TMEM131: variants seen among roughly 807,000 people sequenced by gnomAD.
TMEM131 encodes transmembrane protein 131.
In TMEM131, 66 loss-of-function variants were observed where a neutral mutation model predicts 211.6. That is an observed-to-expected ratio of 0.31 (90% CI 0.26 to 0.38). The LOEUF is 0.38. Among genes scored for constraint, TMEM131 ranks in the 10% least tolerant of loss-of-function variants. The probability of loss-of-function intolerance (pLI) is 1.00; values close to 1 mark genes in which losing one functional copy is unlikely to be tolerated. For synonymous variants in TMEM131, 844 were observed against 841.3 expected (o/e 1.00, Z -0.06); for missense variants, 2,036 against 2,299.3 (o/e 0.89, Z 2.34).
chr2:97,991,543 CAT>C (rs1476398686), intron 1 of TMEM131, among the ~76,000 whole-genome samples: 1 of 152,206 alleles, frequency 6.6e-6, no homozygotes, highest in Admixed American at 6.5e-5. Context: ...GCCCTGGACA[CAT>C]GCAGTGTGCA....
At chr2:97,817,453 C>T (rs754664518) in intron 12 of TMEM131, among the ~76,000 whole-genome samples, 5 of 152,130 alleles carry the variant, frequency 3.3e-5, no homozygotes, top group Non-Finnish European at 7.4e-5. Context: ...CCGCCTCCTC[C>T]TCTGTAAGGG....
At position 97,792,478 on chromosome 2, in the gene TMEM131, A is replaced by G; in HGVS notation, c.4052T>C (p.Ile1351Thr). ...GTCGAAGTCTTTGTCCATGGCTTCT[A>G]TGAGACTGGTGATGTCCGAGTCCTC... ...SSEDSDITSL[I>T]EAMDKDFDHH... The change falls in exon 31 of 41, where the codon ATA becomes ACA. Residue 1351 changes from isoleucine to threonine, a missense_variant. Ile to Thr is a moderately conservative substitution (Grantham distance 89). Coordinates refer to ENST00000186436, the MANE Select transcript of TMEM131 (RefSeq NM_015348.2). 5.6e-6 allele frequency: 9 copies of G among 1,613,744 alleles called. No individual in the cohort carries two copies. The highest frequency in any genetic ancestry group is 7.6e-6 in the Non-Finnish European group (9 of 1,179,818).
At chr2:97,903,501 A>G (rs530451051) in intron 3 of TMEM131, among the ~76,000 whole-genome samples, 2 of 152,328 alleles carry the variant, frequency 1.3e-5, no homozygotes, top group African/African-American at 4.8e-5. Context: ...GTACTTGCAT[A>G]GTCTCAAAGT....
intron 2 of TMEM131, among the ~76,000 whole-genome samples, chr2:97,923,141 T>A (rs941724598): frequency 1.3e-5 from 2 of 151,920 alleles, no homozygotes; most frequent in African/African-American, 4.8e-5. Context: ...CTACAAAAGT[T>A]AGCTGGGTGT....
intron 11 of TMEM131, among the ~76,000 whole-genome samples, chr2:97,828,724 A>G (rs907495794): frequency 1.3e-5 from 2 of 152,230 alleles, no homozygotes; most frequent in African/African-American, 4.8e-5. Flanking sequence ...TACACTAACC[A>G]GTCAGGGATA....
Position 97,919,026 on chromosome 2 carries a change from T to C in TMEM131, c.249+8400A>G, listed in dbSNP as rs569128156. On this transcript the variant is annotated intron_variant, in intron 2 of 40. Transcript: ENST00000186436. ...TGGGACTGCTGACCAGAAGACTACA[T>C]GTGGCCTTTCCATGTGGCTTAAGTT... Among the ~76,000 whole-genome samples the C allele has an allele frequency of 4.6e-5, 7 of 152,328 alleles. No homozygotes were observed. The East Asian group carries it at 9.6e-4, about 21-fold the overall frequency.
intron 1 of TMEM131, among the ~76,000 whole-genome samples, chr2:97,984,040 G>A (rs1000866514): frequency 3.9e-5 from 6 of 152,060 alleles, no homozygotes; most frequent in African/African-American, 9.7e-5. Flanking sequence ...CTAGCCACAC[G>A]GTACCCCTCT....
At chr2:97,885,842 A>C (rs1675134754) in intron 4 of TMEM131, among the ~76,000 whole-genome samples, 1 of 152,244 alleles carries the variant, frequency 6.6e-6, no homozygotes. Context: ...GGAAGTTTTC[A>C]GCTACTATTT....
At chr2:97,793,646 T>C in intron 29 of TMEM131, 93 bp from the exon 30 acceptor site, 1 of 1,259,592 alleles carries the variant, frequency 7.9e-7, no homozygotes, top group South Asian at 1.6e-5. Context: ...CTTGGTAAAG[T>C]ACAATATGAT....
In TMEM131 at chr2:97,758,898, C is replaced by T. The variant is rs1678659843; in HGVS notation, c.5362G>A (p.Ala1788Thr). 1.2e-6 allele frequency: 2 copies of T among 1,609,722 alleles called. No homozygotes were observed. Residue 1788 changes from alanine to threonine, a missense_variant, in exon 40 of 41, where the codon GCC becomes ACC. Physicochemically the swap from Ala to Thr is moderately conservative, Grantham distance 58. Transcript: ENST00000186436. ...PASSGSPTHT[A>T]TSVLGNTSGL... ...CCCCAGCCCCAAGTACTCACTGTGG[C>T]TGTGTGGGTCGGGGAGCCGGAACTG...
Position 97,814,036 on chromosome 2 carries a change from T to G in TMEM131, c.1552A>C (p.Ile518Leu), listed in dbSNP as rs1445320301. ...STSSMHIDNN[I>L]LLITNASKFH... ...TTAGAAGCATTGGTAATAAGTAAAA[T>G]GTTGTTATCAATGTGCATGGATGAT... Residue 518 changes from isoleucine (I) to leucine (L), a missense_variant, in exon 15 of 41, where the codon ATT becomes CTT. Ile to Leu is a conservative substitution (Grantham distance 5). Around this residue, in one of 3 missense-constraint regions of TMEM131, gnomAD observed 1,623 missense variants for 1,805.9 expected, o/e 0.90. Transcript: ENST00000186436. The G allele has an allele frequency of 6.2e-7, 1 of 1,601,532 alleles. No individual in the cohort carries two copies. Among genetic ancestry groups the G allele is most frequent in the East Asian group, 2.2e-5 (1 of 44,660 alleles).
intron 32 of TMEM131, among the ~76,000 whole-genome samples, chr2:97,773,994 G>C (rs542381551): frequency 6.6e-6 from 1 of 152,314 alleles, no homozygotes; most frequent in African/African-American, 2.4e-5. Context: ...CTGTGGAGGG[G>C]AGCTATAGGC....
intron 3 of TMEM131, among the ~76,000 whole-genome samples, chr2:97,891,851 A>G (rs1675387627): frequency 6.6e-6 from 1 of 152,070 alleles, no homozygotes; most frequent in Non-Finnish European, 1.5e-5. Flanking sequence ...ATTCCTTGTA[A>G]GCAGAATGGA....
At chr2:97,863,000 G>C (rs553252069) in intron 4 of TMEM131, among the ~76,000 whole-genome samples, 19 of 152,084 alleles carry the variant, frequency 1.2e-4, no homozygotes, top group African/African-American at 4.6e-4. Context: ...AAAAGAAACA[G>C]AATTAGGTAC....
intron 3 of TMEM131, among the ~76,000 whole-genome samples, chr2:97,889,464 A>G (rs1440698847): frequency 6.6e-6 from 1 of 151,970 alleles, no homozygotes; most frequent in Non-Finnish European, 1.5e-5. Context: ...TAGTTTCATT[A>G]GTATGAAACT....
At chr2:97,780,201 T>C (rs117456457) in intron 31 of TMEM131, among the ~76,000 whole-genome samples, 1 of 152,344 alleles carries the variant, frequency 6.6e-6, no homozygotes, top group East Asian at 1.9e-4. Flanking sequence ...TGGGAATCTC[T>C]GGTGGATAGG....
At position 97,992,627 on chromosome 2, in the gene TMEM131, T is replaced by C. The variant is rs532154942; in HGVS notation, c.187+2849A>G. Among the ~76,000 whole-genome samples the C allele has an allele frequency of 4.6e-5, 7 of 152,356 alleles. No homozygotes were observed. In the East Asian group the frequency reaches 1.2e-3, roughly 25 times the overall value. On this transcript the variant is annotated intron_variant, in intron 1 of 40. Transcript: ENST00000186436. The stretch of plus-strand genomic sequence containing the variant: ...TTCACAATGAAATTATATTACATGA[T>C]ATATAATGCTTTTTTAAAAAAGGTC...
At chr2:97,879,269 A>AT (rs1257224640) in intron 4 of TMEM131, among the ~76,000 whole-genome samples, 1 of 152,184 alleles carries the variant, frequency 6.6e-6, no homozygotes, top group Non-Finnish European at 1.5e-5. Context: ...ATACATAGAC[A>AT]GGCAGAAATA....
chr2:97,781,325 G>A (rs1469140965), intron 31 of TMEM131, among the ~76,000 whole-genome samples: 1 of 152,168 alleles, frequency 6.6e-6, no homozygotes, highest in Non-Finnish European at 1.5e-5. Context: ...CCAATGCTGT[G>A]ACCTGCTCTG....
Sources: gnomAD v4.1 joint callset for allele counts (sites outside exome capture counted in the v4.1 genomes callset) on GRCh38, gnomAD v4.1.1 for gene constraint, gnomAD v4.1.1 regional missense constraint, MANE v1.5 for transcripts, NCBI Gene and HGNC (gene_info 2026-07-23, HGNC 2026-07-21) for gene names.